The following RBFOX3 variants were observed in gnomAD, a reference collection of about 807,000 sequenced individuals.
RBFOX3 encodes RNA binding fox-1 homolog 3.
In RBFOX3, 17 loss-of-function variants were observed where a neutral mutation model predicts 48.7. The ratio of observed to expected loss-of-function variants is 0.35; its 90% CI spans 0.24 to 0.52. The LOEUF is 0.52. Among genes scored for constraint, RBFOX3 ranks in the 20% least tolerant of loss-of-function variants. The probability of loss-of-function intolerance (pLI) is 0.94; values close to 1 mark genes in which losing one functional copy is unlikely to be tolerated. For synonymous variants in RBFOX3, 212 were observed against 209.5 expected, an observed-to-expected ratio of 1.01 and a Z score of -0.10; for missense variants, 382 against 497.5, an observed-to-expected ratio of 0.77 and a Z score of 2.21.
Position 79,568,386 on chromosome 17 carries a change from T to G in RBFOX3, c.-320+42440A>C, listed in dbSNP as rs1032933248. The stretch of plus-strand genomic sequence containing the variant: ...GCACTGACATGATGCTCAAAGCAAA[T>G]GCTCACTGGAGCATTTTGGTTCTTG... On this transcript the variant is annotated intron_variant, in intron 1 of 14. Transcript: ENST00000693108. Among the ~76,000 whole-genome samples, 5 of 152,158 alleles carry G rather than the reference T, an allele frequency of 3.3e-5. No individual in the cohort carries two copies. In the South Asian group the frequency reaches 1.0e-3, roughly 32 times the overall value.
At chr17:79,321,416 C>G (rs927703947) in intron 2 of RBFOX3, among the ~76,000 whole-genome samples, 4 of 152,212 alleles carry the variant, frequency 2.6e-5, no homozygotes, top group Non-Finnish European at 5.9e-5. Flanking sequence ...CCTCCAGGTC[C>G]GGCCCCAACA....
At chr17:79,420,639 CG>C (rs1419986746) in intron 2 of RBFOX3, among the ~76,000 whole-genome samples, 22 of 152,200 alleles carry the variant, frequency 1.4e-4, no homozygotes, top group Admixed American at 1.3e-3. Flanking sequence ...GGGAAGTGCA[CG>C]GGAACCGCTT....
intron 4 of RBFOX3, among the ~76,000 whole-genome samples, chr17:79,145,749 C>A (rs910222948): frequency 3.3e-5 from 5 of 151,812 alleles, no homozygotes; most frequent in African/African-American, 1.2e-4. Context: ...AGCACCTGGA[C>A]CCACTGACAC....
chr17:79,449,390 C>T (rs782093216), intron 2 of RBFOX3, among the ~76,000 whole-genome samples: 37 of 151,974 alleles, frequency 2.4e-4, no homozygotes, highest in Non-Finnish European at 4.6e-4. Flanking sequence ...TTACAGTTCC[C>T]GGGTCCCCCT....
At chr17:79,284,198 C>T (rs2071303394) in intron 3 of RBFOX3, among the ~76,000 whole-genome samples, 1 of 152,194 alleles carries the variant, frequency 6.6e-6, no homozygotes, top group Admixed American at 6.5e-5. Flanking sequence ...AGTTGATTCT[C>T]ATCTGGGCCA....
intron 3 of RBFOX3, among the ~76,000 whole-genome samples, chr17:79,289,852 T>G (rs1300442353): frequency 6.6e-6 from 1 of 152,238 alleles, no homozygotes; most frequent in African/African-American, 2.4e-5. Flanking sequence ...GAACATGACA[T>G]CAATAACATT....
intron 1 of RBFOX3, among the ~76,000 whole-genome samples, chr17:79,565,577 T>C (rs1023504652): frequency 6.6e-6 from 1 of 151,958 alleles, no homozygotes; most frequent in Non-Finnish European, 1.5e-5. Context: ...CTGACCGCAA[T>C]TGATCCGCCC....
chr17:79,561,707 C>T (rs1469537111), intron 1 of RBFOX3, among the ~76,000 whole-genome samples: 4 of 152,152 alleles, frequency 2.6e-5, no homozygotes, highest in African/African-American at 9.7e-5. Flanking sequence ...AGGAGCCCTC[C>T]CTTCATCCCG....
At chr17:79,447,498 C>T (rs943997981) in intron 2 of RBFOX3, among the ~76,000 whole-genome samples, 4 of 152,156 alleles carry the variant, frequency 2.6e-5, no homozygotes, top group Non-Finnish European at 2.9e-5. Context: ...CTATTGTGTA[C>T]GGTGATACGG....
intron 2 of RBFOX3, among the ~76,000 whole-genome samples, chr17:79,387,734 C>A (rs1439380339): frequency 1.3e-5 from 2 of 152,204 alleles, no homozygotes. Flanking sequence ...GAAGATTCTT[C>A]TTGCCTCCTG....
intron 3 of RBFOX3, among the ~76,000 whole-genome samples, chr17:79,282,300 C>T (rs2070747278): frequency 6.6e-6 from 1 of 152,182 alleles, no homozygotes; most frequent in Non-Finnish European, 1.5e-5. Context: ...GAAGAGGGAA[C>T]CTCGCCCTGT....
At chr17:79,183,527 G>A (rs2052669705) in intron 4 of RBFOX3, 2 of 152,166 alleles carry the variant, frequency 1.3e-5, no homozygotes, top group African/African-American at 4.8e-5. Context: ...GGCATCGAAA[G>A]GAGAGCGGCG....
At chr17:79,263,578 G>A (rs2066158076) in intron 3 of RBFOX3, among the ~76,000 whole-genome samples, 2 of 152,110 alleles carry the variant, frequency 1.3e-5, no homozygotes, top group Non-Finnish European at 1.5e-5. Flanking sequence ...CCAGCTCATC[G>A]TGAGCCACCC....
At chr17:79,588,613 T>C (rs2093324589) in intron 1 of RBFOX3, among the ~76,000 whole-genome samples, 1 of 152,228 alleles carries the variant, frequency 6.6e-6, no homozygotes, top group Non-Finnish European at 1.5e-5. Context: ...AATAGCACTC[T>C]GCAGGTATCC....
At chr17:79,599,269 C>G (rs1012482338) in intron 1 of RBFOX3, 1 of 152,320 alleles carries the variant, frequency 6.6e-6, no homozygotes, top group East Asian at 1.9e-4. Flanking sequence ...CACCCCCGCA[C>G]GACACGACCC....
chr17:79,409,843 CT>C (rs2064045223), intron 2 of RBFOX3, among the ~76,000 whole-genome samples: 1 of 152,164 alleles, frequency 6.6e-6, no homozygotes, highest in Non-Finnish European at 1.5e-5. Flanking sequence ...TGTCTGGCCT[CT>C]GAGAGACACC....
In RBFOX3 at chr17:79,299,135, G is replaced by A. The variant is rs895412128; in HGVS notation, c.-74+8589C>T. Among the ~76,000 whole-genome samples, 1 of 134,578 alleles carries A rather than the reference G, an allele frequency of 7.4e-6. No homozygotes were observed. The highest frequency in any genetic ancestry group is 2.8e-5 in the African/African-American group (1 of 35,384). The allele number at this position is 134,578 out of a possible 152,430, so 88.3% of individuals were successfully genotyped here. ...AATGAACTAATAAATAAGAGGCCAG[G>A]TGTGGTATCTCGGTGCTGGCAAAAC... On this transcript the variant is annotated intron_variant, in intron 3 of 14. Transcript: ENST00000693108. This position sits in a 1 kb window ranked among gnomAD's most constrained non-coding sequence, Gnocchi z 4.5.
At chr17:79,101,789 G>A (rs1410054188) in intron 8 of RBFOX3, 145 bp from the exon 9 acceptor site, 12 of 779,394 alleles carry the variant, frequency 1.5e-5, no homozygotes, top group Middle Eastern at 6.1e-4. Flanking sequence ...TGCCCTCCGG[G>A]AGCCTTGGCC....
chr17:79,356,173 G>A (rs1011165687), intron 2 of RBFOX3, among the ~76,000 whole-genome samples: 2 of 151,978 alleles, frequency 1.3e-5, no homozygotes, highest in Non-Finnish European at 2.9e-5. Context: ...CCTGCCTGCT[G>A]CCTGAATGTT....
Sources: allele counts gnomAD v4.1 joint callset (sites outside exome capture counted in the v4.1 genomes callset), GRCh38; gene constraint gnomAD v4.1.1; non-coding constraint Gnocchi (gnomAD v3.1); transcripts MANE v1.5; gene names NCBI Gene and HGNC (gene_info 2026-07-23, HGNC 2026-07-21).